The following THSD7A variants were observed in gnomAD, a reference collection of about 807,000 sequenced individuals.
THSD7A encodes the protein thrombospondin type-1 domain-containing protein 7A.
In THSD7A, 96 loss-of-function variants were observed where a neutral mutation model predicts 231.3. That is an observed-to-expected ratio of 0.41 (90% CI 0.35 to 0.49). THSD7A has a LOEUF of 0.49. THSD7A is among the 20% of genes least tolerant of loss of function. The probability of loss-of-function intolerance (pLI) is 0.05; values close to 1 mark genes in which losing one functional copy is unlikely to be tolerated. For synonymous variants in THSD7A, 940 were observed against 743.3 expected, an observed-to-expected ratio of 1.26 and a Z score of -4.30; for missense variants, 2,290 against 2,070.2, an observed-to-expected ratio of 1.11 and a Z score of -2.06.
intron 4 of THSD7A, among the ~76,000 whole-genome samples, chr7:11,547,790 A>G (rs145319507): frequency 1.4e-4 from 21 of 152,358 alleles, no homozygotes; most frequent in Admixed American, 9.8e-4. Flanking sequence ...ATTTAGGCAC[A>G]AATAAAGAAA....
chr7:11,792,711 A>G (rs1783995428), intron 1 of THSD7A, among the ~76,000 whole-genome samples: 1 of 152,020 alleles, frequency 6.6e-6, no homozygotes, highest in Non-Finnish European at 1.5e-5. Flanking sequence ...AACGAAACAA[A>G]TAAAAATTTA....
At position 11,636,942 on chromosome 7, in the gene THSD7A, C is replaced by T. The variant is rs761115750; in HGVS notation, c.210G>A (p.Met70Ile). Residue 70 changes from methionine (M) to isoleucine (I), a missense_variant, in exon 2 of 28, where the codon ATG becomes ATA. Coordinates refer to ENST00000423059, the MANE Select transcript of THSD7A (RefSeq NM_015204.3). The surrounding 1 kb of genome is among the most constrained non-coding windows in gnomAD (Gnocchi z 10.0). ...LWKTGPWGRC[M>I]GDECGPGGIQ... ...TGCCTCCGGGACCACATTCATCTCC[C>T]ATACATCGGCCCCATGGACCTACAA... 17 of 1,608,852 alleles carry T rather than the reference C, an allele frequency of 1.1e-5. No homozygotes were observed. Among genetic ancestry groups the T allele is most frequent in the Admixed American group, 5.0e-5 (3 of 59,916 alleles).
At chr7:11,641,820 C>T (rs1281934133) in intron 1 of THSD7A, among the ~76,000 whole-genome samples, 2 of 151,708 alleles carry the variant, frequency 1.3e-5, no homozygotes, top group Non-Finnish European at 2.9e-5. Flanking sequence ...CTTTAACTGC[C>T]CTTATCTTTT....
rs759643642 is a variant in THSD7A, at chr7:11,541,407, C to T, written c.1822+12G>A. On this transcript the variant is annotated intron_variant, in intron 6 of 27. Transcript: ENST00000423059. Reference sequence around the variant, plus strand: ...GACATCCATAAAAACATAATAGATACGTCTGTCTTACCATCACTGTTGATG... The same window carrying T: ...GACATCCATAAAAACATAATAGATATGTCTGTCTTACCATCACTGTTGATG... 16 of 1,613,040 alleles carry T rather than the reference C, an allele frequency of 9.9e-6. No individual in the cohort carries two copies. The highest frequency in any genetic ancestry group is 7.7e-5 in the South Asian group (7 of 91,014).
chr7:11,445,906 G>A (rs1277027214), intron 13 of THSD7A, among the ~76,000 whole-genome samples, 155 bp downstream of exon 13: 1 of 152,000 alleles, frequency 6.6e-6, no homozygotes, highest in Non-Finnish European at 1.5e-5. Context: ...TGAATGTCCT[G>A]TTACATATAA....
At chr7:11,813,679 C>T (rs1387138976) in intron 1 of THSD7A, among the ~76,000 whole-genome samples, 2 of 151,438 alleles carry the variant, frequency 1.3e-5, no homozygotes, top group Non-Finnish European at 2.9e-5. Flanking sequence ...CACCACCGCA[C>T]TCTAGCCTGG....
chr7:11,668,066 A>G (rs1212477722), intron 1 of THSD7A, among the ~76,000 whole-genome samples: 6 of 152,206 alleles, frequency 3.9e-5, no homozygotes. Flanking sequence ...AAACTGTGCC[A>G]GGAAGTACCT....
chr7:11,673,229 A>G (rs946138569), intron 1 of THSD7A, among the ~76,000 whole-genome samples: 4 of 152,136 alleles, frequency 2.6e-5, no homozygotes, highest in Non-Finnish European at 4.4e-5. Flanking sequence ...GAACTCCAGA[A>G]CACCATATTG....
At chr7:11,567,310 G>T (rs1050228578) in intron 4 of THSD7A, among the ~76,000 whole-genome samples, 1 of 152,058 alleles carries the variant, frequency 6.6e-6, no homozygotes, top group Non-Finnish European at 1.5e-5. Flanking sequence ...AAAGGGGGAA[G>T]AGCCCCTTAT....
At chr7:11,821,399 C>CT in intron 1 of THSD7A, 1 of 317,370 alleles carries the variant, frequency 3.2e-6, no homozygotes, top group Non-Finnish European at 6.0e-6. Flanking sequence ...TTTTAAAAGC[C>CT]CTTTTTTTTT....
chr7:11,668,128 A>ATT (rs5882319), intron 1 of THSD7A, among the ~76,000 whole-genome samples: 1 of 151,760 alleles, frequency 6.6e-6, no homozygotes, highest in East Asian at 1.9e-4. Context: ...GAAATCTATT[A>ATT]TTTTTTTCCT....
intron 1 of THSD7A, among the ~76,000 whole-genome samples, chr7:11,708,386 C>T (rs1004604388): frequency 6.6e-6 from 1 of 150,674 alleles, no homozygotes; most frequent in Admixed American, 6.6e-5. Context: ...AAATAACCAT[C>T]AATGAGTAGA....
At chr7:11,390,723 G>A (rs530067458) in intron 23 of THSD7A, among the ~76,000 whole-genome samples, 4 of 152,300 alleles carry the variant, frequency 2.6e-5, no homozygotes, top group East Asian at 3.9e-4. Context: ...CCCCATCTTC[G>A]TGGATTTATC....
intron 1 of THSD7A, among the ~76,000 whole-genome samples, chr7:11,766,163 T>C (rs1783023242): frequency 6.6e-6 from 1 of 152,168 alleles, no homozygotes; most frequent in Admixed American, 6.5e-5. Context: ...GTGAACCTTT[T>C]CAAGATGAAT....
chr7:11,830,583 A>G (rs144488776), intron 1 of THSD7A, among the ~76,000 whole-genome samples: 238 of 152,354 alleles, frequency 1.6e-3, no homozygotes, highest in Non-Finnish European at 2.8e-3. Flanking sequence ...TGTTTCATGT[A>G]ATCTTCTAAG....
chr7:11,694,310 C>G (rs991426208), intron 1 of THSD7A, among the ~76,000 whole-genome samples: 2 of 151,516 alleles, frequency 1.3e-5, no homozygotes, highest in African/African-American at 4.8e-5. Context: ...ATGTTTTTCC[C>G]AGGCCACCAG....
chr7:11,740,091 A>G (rs1526520), intron 1 of THSD7A, among the ~76,000 whole-genome samples: 82,617 of 151,752 alleles, frequency 0.54, 25,532 homozygotes, highest in African/African-American at 0.86. Flanking sequence ...ACTTGGACAC[A>G]TAACTCTCCT....
chr7:11,614,312 A>T (rs765955585), intron 2 of THSD7A, among the ~76,000 whole-genome samples: 2 of 152,198 alleles, frequency 1.3e-5, no homozygotes, highest in Non-Finnish European at 2.9e-5. Context: ...CCGTAACTTG[A>T]AAGCTGAGGC....
intron 4 of THSD7A, among the ~76,000 whole-genome samples, chr7:11,578,507 T>C (rs1791016084): frequency 6.6e-6 from 1 of 152,164 alleles, no homozygotes; most frequent in Admixed American, 6.5e-5. Flanking sequence ...CTGCTAAGAA[T>C]GATAGGTTGT....
Sources: allele counts gnomAD v4.1 joint callset (sites outside exome capture counted in the v4.1 genomes callset), GRCh38; gene constraint gnomAD v4.1.1; non-coding constraint Gnocchi (gnomAD v3.1); transcripts MANE v1.5; gene names NCBI Gene and HGNC (gene_info 2026-07-23, HGNC 2026-07-21).